Variants in GALNT17 observed in about 807,000 individuals in gnomAD.
GALNT17 encodes the protein polypeptide N-acetylgalactosaminyltransferase 17.
A neutral mutation model predicts 63.7 loss-of-function variants in GALNT17; 29 were observed. The observed-to-expected ratio is 0.46, with a 90% CI of 0.34 to 0.62. The LOEUF (loss-of-function observed/expected upper bound fraction) is 0.62, where lower values mean the gene tolerates loss of function less well. Ranked by LOEUF, GALNT17 falls within the 20% of genes least tolerant of loss-of-function variation. The probability of loss-of-function intolerance (pLI) is 0.01; values close to 1 mark genes in which losing one functional copy is unlikely to be tolerated. For synonymous variants in GALNT17, 305 were observed against 318.3 expected (o/e 0.96, Z 0.45); for missense variants, 603 against 799.6 (o/e 0.75, Z 2.97).
intron 5 of GALNT17, among the ~76,000 whole-genome samples, chr7:71,562,616 C>T (rs1455944580): frequency 1.3e-5 from 2 of 152,144 alleles, no homozygotes; most frequent in Non-Finnish European, 2.9e-5. Flanking sequence ...CGCTGCTGCT[C>T]TGACAGGAGG....
chr7:71,439,757 G>A (rs1028435511), intron 5 of GALNT17, among the ~76,000 whole-genome samples: 1 of 152,148 alleles, frequency 6.6e-6, no homozygotes, highest in African/African-American at 2.4e-5. Flanking sequence ...AAATAGGGAA[G>A]CAGCCATCCC....
intron 1 of GALNT17, among the ~76,000 whole-genome samples, chr7:71,193,908 C>T (rs765999047): frequency 3.7e-4 from 57 of 152,194 alleles, no homozygotes; most frequent in Non-Finnish European, 3.7e-4. Flanking sequence ...TCTTTCGGGG[C>T]GTATTGACAA....
intron 1 of GALNT17, among the ~76,000 whole-genome samples, chr7:71,190,241 G>A (rs1788927255): frequency 1.3e-5 from 2 of 152,192 alleles, no homozygotes; most frequent in African/African-American, 4.8e-5. Flanking sequence ...GCCAAAGTCT[G>A]ATTTTGAAAT....
chr7:71,298,575 G>C (rs1304555840), intron 1 of GALNT17, among the ~76,000 whole-genome samples: 1 of 152,066 alleles, frequency 6.6e-6, no homozygotes, highest in Admixed American at 6.6e-5. Context: ...GACACTTGCG[G>C]GCAGCTGGAG....
chr7:71,386,573 C>T (rs1236272115), intron 2 of GALNT17, among the ~76,000 whole-genome samples: 1 of 152,144 alleles, frequency 6.6e-6, no homozygotes. Flanking sequence ...AAGCAGAGCA[C>T]GTTCCCCGGG....
intron 5 of GALNT17, among the ~76,000 whole-genome samples, chr7:71,433,621 T>G (rs1029462570): frequency 3.3e-5 from 5 of 152,184 alleles, no homozygotes; most frequent in African/African-American, 1.2e-4. Flanking sequence ...CTGGAACGTT[T>G]CTCTCTGGTT....
chr7:71,682,129 G>A (rs1042927678), intron 9 of GALNT17, among the ~76,000 whole-genome samples: 2 of 152,010 alleles, frequency 1.3e-5, no homozygotes, highest in African/African-American at 4.8e-5. Flanking sequence ...GTTTCGCCAC[G>A]TTGGTCAGGC....
intron 1 of GALNT17, among the ~76,000 whole-genome samples, chr7:71,295,979 A>G (rs1413085408): frequency 2.0e-5 from 3 of 151,562 alleles, no homozygotes; most frequent in Non-Finnish European, 2.9e-5. Context: ...ACATAATACA[A>G]TTTTGCTTTT....
At chr7:71,570,540 A>G (rs1324653979) in intron 5 of GALNT17, among the ~76,000 whole-genome samples, 6 of 152,106 alleles carry the variant, frequency 3.9e-5, no homozygotes, top group Non-Finnish European at 7.4e-5. Context: ...AGACTGCACA[A>G]GGACCCCCCA....
intron 5 of GALNT17, among the ~76,000 whole-genome samples, chr7:71,434,877 A>C (rs534694345): frequency 1.3e-5 from 2 of 152,308 alleles, no homozygotes; most frequent in East Asian, 3.9e-4. Flanking sequence ...ACATGGAGAG[A>C]TAGATGGTAA....
chr7:71,675,803 G>A lies in GALNT17; in HGVS notation c.1405-1408G>A, dbSNP rs144025673. On this transcript the variant is annotated intron_variant, in intron 8 of 10. Transcript: ENST00000333538. ...GGAGTTCGAGATCAGCCTGGCCAAC[G>A]TGGTGAAACGCCATCTCTGCTAAAA... 6.0e-3 allele frequency among the ~76,000 whole-genome samples: 920 copies of A among 152,200 alleles called. 2 individuals are homozygous for A. Among genetic ancestry groups the A allele is most frequent in the Non-Finnish European group, 8.6e-3 (587 of 68,004 alleles).
At chr7:71,470,638 C>G (rs138981552) in intron 5 of GALNT17, among the ~76,000 whole-genome samples, 7 of 152,100 alleles carry the variant, frequency 4.6e-5, no homozygotes, top group African/African-American at 1.7e-4. Flanking sequence ...AATCAGAAAA[C>G]GAACAGACCA....
At chr7:71,601,373 G>A (rs1270410305) in intron 6 of GALNT17, among the ~76,000 whole-genome samples, 1 of 152,096 alleles carries the variant, frequency 6.6e-6, no homozygotes, top group Non-Finnish European at 1.5e-5. Context: ...ATTCCACAGT[G>A]GCTGTACTAG....
intron 2 of GALNT17, among the ~76,000 whole-genome samples, chr7:71,361,170 T>C (rs796321917): frequency 1.8e-4 from 28 of 152,322 alleles, no homozygotes; most frequent in African/African-American, 6.5e-4. Context: ...TGGTCATTCC[T>C]ATATCTGCTT....
chr7:71,211,309 G>T (rs545325581), intron 1 of GALNT17, among the ~76,000 whole-genome samples: 59 of 152,260 alleles, frequency 3.9e-4, no homozygotes, highest in Admixed American at 1.7e-3. Context: ...AGGGGTTTCC[G>T]CTTTTGCTTC....
intron 6 of GALNT17, among the ~76,000 whole-genome samples, chr7:71,635,767 T>G (rs1226405714): frequency 6.6e-6 from 1 of 152,080 alleles, no homozygotes; most frequent in Non-Finnish European, 1.5e-5. Context: ...AAACAAGAGG[T>G]GGATTATTCA....
chr7:71,448,453 C>T (rs1787197623), intron 5 of GALNT17, among the ~76,000 whole-genome samples: 1 of 151,556 alleles, frequency 6.6e-6, no homozygotes, highest in African/African-American at 2.4e-5. Flanking sequence ...CTTTGTTTTT[C>T]TTTAATCTCT....
chr7:71,229,054 T>C (rs1789735971), intron 1 of GALNT17, among the ~76,000 whole-genome samples: 1 of 152,226 alleles, frequency 6.6e-6, no homozygotes, highest in Non-Finnish European at 1.5e-5. Context: ...AGTGGCCGCC[T>C]GGGATATGCT....
At chr7:71,651,941 TC>T (rs936896154) in intron 6 of GALNT17, among the ~76,000 whole-genome samples, 2 of 151,292 alleles carry the variant, frequency 1.3e-5, no homozygotes, top group South Asian at 4.2e-4. Flanking sequence ...CCTCAAGCAA[TC>T]CCCCCCAGCT....
Sources: allele counts gnomAD v4.1 joint callset (sites outside exome capture counted in the v4.1 genomes callset), GRCh38; gene constraint gnomAD v4.1.1; transcripts MANE v1.5; gene names NCBI Gene and HGNC (gene_info 2026-07-23, HGNC 2026-07-21).